DYNLT1: variants seen among roughly 807,000 people sequenced by gnomAD.
DYNLT1 encodes the protein dynein light chain Tctex-type 1.
A neutral mutation model predicts 19.6 loss-of-function variants in DYNLT1; 18 were observed. The ratio of observed to expected loss-of-function variants is 0.92; its 90% confidence interval spans 0.64 to 1.36. The LOEUF is 1.36. Among genes scored for constraint, DYNLT1 ranks in the 40% most tolerant of loss-of-function variants. The pLI, the probability that DYNLT1 is intolerant of heterozygous loss-of-function variation, is 0.00. For missense variants in DYNLT1, 137 were observed against 139.3 expected (o/e 0.98, Z 0.08); for synonymous variants, 56 against 44.0 (o/e 1.27, Z -1.07).
chr6:158,637,019 T>C (rs778705807), intron 4 of DYNLT1, 109 bp downstream of exon 4: 23 of 1,541,668 alleles, frequency 1.5e-5, no homozygotes, highest in African/African-American at 2.7e-5. Flanking sequence ...GGCAAGTCTA[T>C]TATTAAATGT....
At chr6:158,640,998 TACTC>T (rs1489239507) in intron 2 of DYNLT1, among the ~76,000 whole-genome samples, 2 of 152,262 alleles carry the variant, frequency 1.3e-5, no homozygotes, top group Non-Finnish European at 2.9e-5. Flanking sequence ...AATTTTCTTA[TACTC>T]ACTCTTTCTT....
chr6:158,641,544 T>C (rs997034598), intron 1 of DYNLT1, 184 bp from the exon 2 acceptor site: 1 of 438,460 alleles, frequency 2.3e-6, no homozygotes, highest in African/African-American at 2.0e-5. Context: ...CTAGAATACA[T>C]GCACATAATT....
intron 2 of DYNLT1, 136 bp from the exon 3 acceptor site, chr6:158,638,030 A>G (rs984788700): frequency 7.6e-7 from 1 of 1,311,470 alleles, no homozygotes; most frequent in Middle Eastern, 2.5e-4. Context: ...TTGCAAATAT[A>G]CTTTTAATAG....
chr6:158,644,046 T>G (rs1476304695), intron 1 of DYNLT1, among the ~76,000 whole-genome samples: 1 of 146,104 alleles, frequency 6.8e-6, no homozygotes, highest in Non-Finnish European at 1.5e-5. Context: ...TCCTACTTCC[T>G]CAAGGAGGCA....
At chr6:158,639,590 C>A (rs377743661) in intron 2 of DYNLT1, among the ~76,000 whole-genome samples, 1 of 152,166 alleles carries the variant, frequency 6.6e-6, no homozygotes, top group African/African-American at 2.4e-5. Flanking sequence ...TTACCTATTG[C>A]GGCGGCAAAA....
rs370636377 is a variant in DYNLT1 at position 158,638,088 on chromosome 6, AGTCT to A, written c.70-198_70-195del. ...TTTGAAATTTGCTTCAAAAATTCAT[AGTCT>A]GTCAAATTATTTACACATTTTGACC... On this transcript the variant is annotated intron_variant, in intron 2 of 4. Transcript: ENST00000367089. 4.8e-3 allele frequency among the ~76,000 whole-genome samples: 733 copies of A among 152,332 alleles called. 3 individuals carry two copies. The highest frequency in any genetic ancestry group is 0.041 in the Middle Eastern group (12 of 294).
intron 1 of DYNLT1, 139 bp downstream of exon 1, chr6:158,644,543 C>T: frequency 1.0e-6 from 1 of 989,408 alleles, no homozygotes. Context: ...CGCCGGCGAC[C>T]GGGAAGCTCA....
rs193220458 is a variant in DYNLT1 at position 158,636,737 on chromosome 6, A to G, written c.*90T>C. 1.1e-4 allele frequency: 151 copies of G among 1,412,678 alleles called. 1 individual carries two copies. The highest frequency in any genetic ancestry group is 1.4e-4 in the Non-Finnish European group (144 of 1,032,802). 87.5% of individuals were successfully genotyped at this position (1,412,678 alleles called of 1,614,324 possible). ...ATTGTGAAAGTGCCACAAAACAAAGAGAATGAGAAAAGAGTTCACTGAATT... is the reference window on the plus strand; with the variant it reads ...ATTGTGAAAGTGCCACAAAACAAAGGGAATGAGAAAAGAGTTCACTGAATT... On this transcript the variant is annotated 3_prime_UTR_variant, in exon 5 of 5. Coordinates refer to ENST00000367089, the MANE Select transcript of DYNLT1 (RefSeq NM_006519.4).
At chr6:158,642,979 C>T (rs1472046372) in intron 1 of DYNLT1, among the ~76,000 whole-genome samples, 1 of 152,124 alleles carries the variant, frequency 6.6e-6, no homozygotes, top group Non-Finnish European at 1.5e-5. Flanking sequence ...CCAGAACGGG[C>T]CATTCAGTAA....
intron 3 of DYNLT1, chr6:158,637,414 C>G: frequency 1.6e-6 from 1 of 622,290 alleles, no homozygotes; most frequent in Non-Finnish European, 2.9e-6. Flanking sequence ...CATAAATCAA[C>G]AATATATGAA....
At chr6:158,639,471 C>G (rs1212072793) in intron 2 of DYNLT1, among the ~76,000 whole-genome samples, 1 of 152,210 alleles carries the variant, frequency 6.6e-6, no homozygotes, top group Admixed American at 6.5e-5. Context: ...AGCTCTCCCT[C>G]CGCACATACT....
rs776162631 is a variant in DYNLT1 at position 158,637,215 on chromosome 6, A to T, written c.194-10T>A. 1.9e-6 allele frequency: 3 copies of T among 1,612,530 alleles called. No individual in the cohort carries two copies. The African/African-American group carries it at 4.0e-5, about 22-fold the overall frequency. On this transcript the variant is annotated splice_polypyrimidine_tract_variant and intron_variant, in intron 3 of 4. Coordinates refer to ENST00000367089, the MANE Select transcript of DYNLT1 (RefSeq NM_006519.4). ...ATAATTACACAGGTCACTTAAGTTA[A>T]AACAAATTTTTGTTAGAGAAGTCTA...
chr6:158,637,285 A>C, intron 3 of DYNLT1, 80 bp from the exon 4 acceptor site: 3 of 1,286,884 alleles, frequency 2.3e-6, no homozygotes, highest in Non-Finnish European at 3.3e-6. Flanking sequence ...GCAAACGTAC[A>C]ATGTATGTAG....
intron 1 of DYNLT1, among the ~76,000 whole-genome samples, chr6:158,643,398 G>A (rs1787203450): frequency 6.6e-6 from 1 of 152,144 alleles, no homozygotes; most frequent in South Asian, 2.1e-4. Context: ...TAGGAAATCA[G>A]ATCAAAACTG....
chr6:158,637,922 C>A, intron 2 of DYNLT1, 28 bp from the exon 3 acceptor site: 1 of 1,597,272 alleles, frequency 6.3e-7, no homozygotes, highest in Non-Finnish European at 8.5e-7. Flanking sequence ...AAGCGCGTCC[C>A]GGTTAACCAA....
At chr6:158,644,553 A>T in intron 1 of DYNLT1, 129 bp downstream of exon 1, 1 of 1,111,346 alleles carries the variant, frequency 9.0e-7, no homozygotes, top group Non-Finnish European at 1.3e-6. Flanking sequence ...CGGGAAGCTC[A>T]GGCCGTGGGC....
At chr6:158,638,246 C>T (rs1380399712) in intron 2 of DYNLT1, among the ~76,000 whole-genome samples, 5 of 152,030 alleles carry the variant, frequency 3.3e-5, no homozygotes, top group African/African-American at 1.2e-4. Flanking sequence ...TACACTAATA[C>T]TATATATTAG....
chr6:158,644,242 G>T (rs1562326623), intron 1 of DYNLT1, among the ~76,000 whole-genome samples: 1 of 151,928 alleles, frequency 6.6e-6, no homozygotes, highest in Admixed American at 6.5e-5. Flanking sequence ...CCTCCGCGGG[G>T]AGACGTCCAA....
intron 1 of DYNLT1, chr6:158,642,120 G>A (rs1562325141): frequency 1.3e-5 from 2 of 152,292 alleles, no homozygotes; most frequent in East Asian, 1.9e-4. Flanking sequence ...ACCATTACTT[G>A]TAAAATGTAC....
Sources: allele counts gnomAD v4.1 joint callset (sites outside exome capture counted in the v4.1 genomes callset), GRCh38; gene constraint gnomAD v4.1.1; transcripts MANE v1.5; gene names NCBI Gene and HGNC (gene_info 2026-07-23, HGNC 2026-07-21).